CCNY: variants seen among roughly 807,000 people sequenced by gnomAD.
CCNY encodes cyclin-Y.
In CCNY, 19 loss-of-function variants were observed where a neutral mutation model predicts 42.8. The observed-to-expected ratio is 0.44, with a 90% CI of 0.31 to 0.65. The LOEUF (loss-of-function observed/expected upper bound fraction) is 0.65. Ranked by LOEUF, CCNY falls within the 30% of genes least tolerant of loss-of-function variation. CCNY has a pLI of 0.07. For missense variants in CCNY, 370 were observed against 437.3 expected (o/e 0.85, Z 1.37); for synonymous variants, 165 against 162.7 (o/e 1.01, Z -0.11).
intron 3 of CCNY, among the ~76,000 whole-genome samples, chr10:35,504,726 A>G (rs1052850631): frequency 3.9e-5 from 6 of 152,102 alleles, no homozygotes; most frequent in African/African-American, 4.8e-5. Flanking sequence ...AACCTCCCCA[A>G]CCCGGGTTCA....
intron 1 of CCNY, among the ~76,000 whole-genome samples, chr10:35,384,940 G>A (rs1837271540): frequency 6.6e-6 from 1 of 152,206 alleles, no homozygotes; most frequent in South Asian, 2.1e-4. Context: ...GTTCCTGCCT[G>A]TGCTCAGGTG....
intron 1 of CCNY, among the ~76,000 whole-genome samples, chr10:35,413,049 G>A (rs1466172295): frequency 1.3e-5 from 2 of 151,906 alleles, no homozygotes; most frequent in Non-Finnish European, 2.9e-5. Flanking sequence ...TGAATGGTGA[G>A]TTTAGTCTTT....
intron 1 of CCNY, among the ~76,000 whole-genome samples, chr10:35,388,681 A>G (rs956146785): frequency 8.5e-5 from 13 of 152,230 alleles, no homozygotes; most frequent in African/African-American, 2.9e-4. Flanking sequence ...TGCTGCTGCC[A>G]CAACAAATTG....
chr10:35,394,964 C>G, intron 1 of CCNY: 4 of 449,024 alleles, frequency 8.9e-6, no homozygotes, highest in Non-Finnish European at 1.2e-5. Flanking sequence ...CCATTCGCCA[C>G]ATATTCTTCC....
At chr10:35,266,474 G>A (rs2095725475) in intron 3 of CCNY, among the ~76,000 whole-genome samples, 2 of 151,904 alleles carry the variant, frequency 1.3e-5, no homozygotes, top group South Asian at 4.2e-4. Context: ...GTAGCAGACT[G>A]ATTTAAAACA....
intron 3 of CCNY, among the ~76,000 whole-genome samples, chr10:35,280,358 A>G (rs370621620): frequency 2.2e-5 from 3 of 134,704 alleles, no homozygotes; most frequent in South Asian, 2.5e-4. Context: ...AGAAGGAAAG[A>G]AAGAAAGGAA....
At chr10:35,432,317 A>G (rs1838430942) in intron 1 of CCNY, among the ~76,000 whole-genome samples, 1 of 152,188 alleles carries the variant, frequency 6.6e-6, no homozygotes, top group African/African-American at 2.4e-5. Context: ...GACTGTTGAG[A>G]TGATTAAATG....
chr10:35,512,139 C>A (rs1320111893), intron 3 of CCNY, among the ~76,000 whole-genome samples: 2 of 152,182 alleles, frequency 1.3e-5, no homozygotes, highest in Non-Finnish European at 2.9e-5. Context: ...AGGAAACCAA[C>A]AGAAAGGAAA....
chr10:35,536,107 G>A (rs1840881067), intron 7 of CCNY, among the ~76,000 whole-genome samples: 1 of 152,180 alleles, frequency 6.6e-6, no homozygotes, highest in South Asian at 2.1e-4. Context: ...TATTGTGGGA[G>A]GGACCTGGTG....
At chr10:35,343,962 T>C (rs1022011478) in intron 1 of CCNY, among the ~76,000 whole-genome samples, 10 of 152,212 alleles carry the variant, frequency 6.6e-5, no homozygotes, top group African/African-American at 2.2e-4. Context: ...TGATTCAACA[T>C]TGGGCTGTGA....
intron 3 of CCNY, among the ~76,000 whole-genome samples, chr10:35,504,923 C>T (rs1239025972): frequency 2.0e-5 from 3 of 152,124 alleles, no homozygotes; most frequent in Non-Finnish European, 2.9e-5. Context: ...AAGCATGAGC[C>T]ACTGCGTCCA....
intron 3 of CCNY, among the ~76,000 whole-genome samples, chr10:35,290,570 A>G (rs1835402588): frequency 6.6e-6 from 1 of 152,230 alleles, no homozygotes; most frequent in Non-Finnish European, 1.5e-5. Context: ...TTGAGATAAA[A>G]TTCACATACT....
intron 7 of CCNY, among the ~76,000 whole-genome samples, chr10:35,549,594 A>G (rs11817540): frequency 0.093 from 4,763 of 51,050 alleles, 117 homozygotes; most frequent in Middle Eastern, 0.16. Context: ...TACAGTGCTC[A>G]TGACCCTGCG....
intron 7 of CCNY, among the ~76,000 whole-genome samples, chr10:35,552,761 C>T (rs1159901119): frequency 6.6e-6 from 1 of 152,200 alleles, no homozygotes; most frequent in Non-Finnish European, 1.5e-5. Flanking sequence ...AGAAATTAGC[C>T]TGTGCTTCCT....
At chr10:35,252,280 T>A (rs965127580) in intron 3 of CCNY, among the ~76,000 whole-genome samples, 3 of 152,048 alleles carry the variant, frequency 2.0e-5, no homozygotes, top group Non-Finnish European at 2.9e-5. Context: ...TATGAGAATA[T>A]CCTGGCCGGG....
intron 3 of CCNY, among the ~76,000 whole-genome samples, chr10:35,328,998 A>G (rs776345146): frequency 2.6e-5 from 4 of 152,222 alleles, no homozygotes; most frequent in African/African-American, 4.8e-5. Flanking sequence ...ATACATCTTG[A>G]TAAGTATGTA....
At chr10:35,379,397 C>T (rs1253097471) in intron 1 of CCNY, among the ~76,000 whole-genome samples, 2 of 152,074 alleles carry the variant, frequency 1.3e-5, no homozygotes, top group Non-Finnish European at 2.9e-5. Context: ...AGGTGGGGAG[C>T]GGTGGGGCCT....
At chr10:35,290,265 A>ACACAC (rs1405052578) in intron 3 of CCNY, among the ~76,000 whole-genome samples, 14 of 50,170 alleles carry the variant, frequency 2.8e-4, no homozygotes, top group African/African-American at 1.1e-3. Context: ...CACACACACA[A>ACACAC]AATTAGCTGG....
In CCNY at chr10:35,569,130, A is replaced by G. The variant is rs1455847774; in HGVS notation, c.986A>G (p.Asn329Ser). 1.2e-6 allele frequency: 2 copies of G among 1,612,510 alleles called. No individual in the cohort carries two copies. The highest frequency in any genetic ancestry group is 1.1e-5 in the South Asian group (1 of 91,080). ...SARKRSASADNLTLPRWSPAI... is the reference protein window; with the variant it reads ...SARKRSASADSLTLPRWSPAI... ...AGGAAGCGCTCAGCCAGTGCAGACA[A>G]CCTGACTCTGCCCCGGTGGTCCCCA... The change falls in exon 10 of 10, where the codon AAC becomes AGC. Residue 329 changes from asparagine to serine, a missense_variant. Asn to Ser is a conservative substitution (Grantham distance 46). Around this residue, in one of 2 missense-constraint regions of CCNY, gnomAD observed 234 missense variants for 313.1 expected, o/e 0.75. Coordinates refer to ENST00000374704, the MANE Select transcript of CCNY (RefSeq NM_145012.6).
Sources: allele counts gnomAD v4.1 joint callset (sites outside exome capture counted in the v4.1 genomes callset), GRCh38; gene constraint gnomAD v4.1.1; regional missense constraint gnomAD v4.1.1; transcripts MANE v1.5; gene names NCBI Gene and HGNC (gene_info 2026-07-23, HGNC 2026-07-21).